Variants in HSPG2 observed in about 807,000 individuals in gnomAD.
The protein encoded by HSPG2 is basement membrane-specific heparan sulfate proteoglycan core protein.
In HSPG2, 278 loss-of-function variants were observed where a neutral mutation model predicts 526.6. That is an observed-to-expected ratio of 0.53 (90% CI 0.48 to 0.58). The LOEUF is 0.58. HSPG2 is among the 20% of genes least tolerant of loss of function. The pLI is 0.00. For missense variants in HSPG2, 5,354 were observed against 6,099.5 expected (o/e 0.88, Z 4.07); for synonymous variants, 2,465 against 2,555.4 (o/e 0.96, Z 1.07).
At chr1:21,937,108 CTAGCCCCTCCG>C in intron 1 of HSPG2, 36 bp downstream of exon 1, 1 of 216,260 alleles carries the variant, frequency 4.6e-6, no homozygotes, top group Non-Finnish European at 8.7e-6. Context: ...CGGGGCGCCC[CTAGCCCCTCCG>C]CCCCCGCCCC....
At chr1:21,854,374 G>A in intron 49 of HSPG2, 31 bp from the exon 50 acceptor site, 2 of 1,556,500 alleles carry the variant, frequency 1.3e-6, no homozygotes, top group Non-Finnish European at 1.7e-6. Context: ...GGTACGTGAG[G>A]ACAGGGACGG....
Position 21,822,259 on chromosome 1 carries a change from C to A in HSPG2, c.*1057G>T. 1 of 1,590,110 alleles carries A rather than the reference C, an allele frequency of 6.3e-7. No individual in the cohort carries two copies. Among genetic ancestry groups the A allele is most frequent in the South Asian group, 1.1e-5 (1 of 90,610 alleles). ...AGGAGGCCCCTGGCGGGGATAGCAC[C>A]GTTTATTAAGAAAAATCAAGACAAA... On this transcript the variant is annotated 3_prime_UTR_variant, in exon 97 of 97. Coordinates refer to ENST00000374695, the MANE Select transcript of HSPG2 (RefSeq NM_005529.7).
Position 21,835,567 on chromosome 1 carries a change from G to A in HSPG2, c.10426C>T (p.Gln3476Ter), listed in dbSNP as rs752288244. ...TGGATAACCAGCTGGGCACTGGCCTGGGCCTTCCCCCAAGGTCCATGGGCC... is the reference window on the plus strand; with the variant it reads ...TGGATAACCAGCTGGGCACTGGCCTAGGCCTTCCCCCAAGGTCCATGGGCC... The part of the protein sequence containing the change: ...CQAHGPWGKA[Q>*]ASAQLVIQAL... The change falls in exon 76 of 97, where the codon CAG (glutamine) becomes TAG (stop). Residue 3476 changes from glutamine (Q) to a stop codon, truncating the protein, a stop_gained. Transcript: ENST00000374695. LOFTEE classifies it high-confidence loss of function. 6.2e-7 allele frequency: 1 copy of A among 1,613,798 alleles called. No individual in the cohort carries two copies. Among genetic ancestry groups the A allele is most frequent in the Admixed American group, 1.7e-5 (1 of 60,004 alleles).
chr1:21,887,068 C>A lies in HSPG2; in HGVS notation c.1078+147G>T. Reference sequence around the variant, plus strand: ...GTCTCCAGGGCCTTCCGCACTCAGCCAGGGAGAGCAAACAAACAGGCTTGG... The same window carrying A: ...GTCTCCAGGGCCTTCCGCACTCAGCAAGGGAGAGCAAACAAACAGGCTTGG... On this transcript the variant is annotated intron_variant, in intron 9 of 96. Coordinates refer to ENST00000374695, the MANE Select transcript of HSPG2 (RefSeq NM_005529.7). This position sits in a 1 kb window ranked among gnomAD's most constrained non-coding sequence, Gnocchi z 5.0. The A allele has an allele frequency of 2.2e-6, 2 of 892,016 alleles. No individual in the cohort carries two copies. Among genetic ancestry groups the A allele is most frequent in the South Asian group, 1.5e-5 (1 of 64,814 alleles). 55.3% of individuals were successfully genotyped at this position (892,016 alleles called of 1,614,324 possible).
chr1:21,858,670 T>C lies in HSPG2; in HGVS notation c.5293+896A>G, dbSNP rs531620925. On this transcript the variant is annotated intron_variant, in intron 42 of 96. Transcript: ENST00000374695. The surrounding 1 kb of genome is among the most constrained non-coding windows in gnomAD (Gnocchi z 4.2). ...GTGCTGCTGGTGGCCTAGCCACGCT[T>C]CCCACCCCCCGTGCCCACCTGCCTG... Among the ~76,000 whole-genome samples, 2 of 152,344 alleles carry C rather than the reference T, an allele frequency of 1.3e-5. No individual in the cohort carries two copies. The highest frequency in any genetic ancestry group is 4.8e-5 in the African/African-American group (2 of 41,582).
chr1:21,896,425 T>A, intron 1 of HSPG2, 115 bp from the exon 2 acceptor site: 2 of 1,289,654 alleles, frequency 1.6e-6, no homozygotes, highest in South Asian at 1.2e-5. Context: ...CCTTAGTGGT[T>A]AAATTTGACT....
intron 81 of HSPG2, 36 bp from the exon 82 acceptor site, chr1:21,831,832 G>A: frequency 6.4e-7 from 1 of 1,562,904 alleles, no homozygotes; most frequent in Non-Finnish European, 8.7e-7. Context: ...GGAGAGAGTG[G>A]ATAGGGGGTT....
Position 21,852,609 on chromosome 1 carries a change from T to C in HSPG2, c.6724+91A>G. On this transcript the variant is annotated intron_variant, in intron 52 of 96. Transcript: ENST00000374695. ...GCAGCCAGCTCCGGTGTGGGCCTTC[T>C]GCCCTGTCAGCAAGAGGGGTCCCTT... is the stretch of plus-strand genomic sequence containing the variant. 6 of 1,568,896 alleles carry C rather than the reference T, an allele frequency of 3.8e-6. No homozygotes were observed. In the South Asian group the frequency reaches 5.5e-5, roughly 15 times the overall value.
chr1:21,912,347 C>T (rs1643723899), intron 1 of HSPG2, among the ~76,000 whole-genome samples: 1 of 152,164 alleles, frequency 6.6e-6, no homozygotes, highest in African/African-American at 2.4e-5. Flanking sequence ...ACCACTTCTT[C>T]CTTCTCTCCC....
At chr1:21,909,064 C>A (rs186461753) in intron 1 of HSPG2, among the ~76,000 whole-genome samples, 1 of 152,100 alleles carries the variant, frequency 6.6e-6, no homozygotes, top group African/African-American at 2.4e-5. Context: ...GCCAAGATGG[C>A]GCCATTGCAC....
At chr1:21,829,753 G>A (rs534808442) in intron 86 of HSPG2, 149 bp from the exon 87 acceptor site, 4 of 743,492 alleles carry the variant, frequency 5.4e-6, no homozygotes, top group African/African-American at 3.5e-5. Context: ...AGTGGCACAG[G>A]AGCCCCCCTG....
At chr1:21,838,749 C>T (rs1177160007) in intron 74 of HSPG2, 76 bp downstream of exon 74, 11 of 1,507,262 alleles carry the variant, frequency 7.3e-6, no homozygotes, top group Non-Finnish European at 9.1e-6. Flanking sequence ...CCTTCCCACC[C>T]GAGTCTGCCT....
In HSPG2 at chr1:21,872,335, G is replaced by A. The variant is rs1438197902; in HGVS notation, c.4072C>T (p.Leu1358=). Reference sequence around the variant, plus strand: ...CGGCTGTTTCGCTGTGGGTTCACCAGGGCAAAGCCTTGGAAGTCCCCAGGG... The same window carrying A: ...CGGCTGTTTCGCTGTGGGTTCACCAAGGCAAAGCCTTGGAAGTCCCCAGGG... The part of the protein sequence containing the change: ...FAPGDFQGFA[L]VNPQRNSRLT... The change falls in exon 33 of 97, where the codon CTG becomes TTG. Residue 1358 remains leucine, a synonymous_variant. Transcript: ENST00000374695. The surrounding 1 kb of genome is among the most constrained non-coding windows in gnomAD (Gnocchi z 5.5). 3 of 1,582,336 alleles carry A rather than the reference G, an allele frequency of 1.9e-6. No individual in the cohort carries two copies. Among genetic ancestry groups the A allele is most frequent in the Non-Finnish European group, 2.6e-6 (3 of 1,163,816 alleles).
At chr1:21,868,166 G>A (rs542240271) in intron 33 of HSPG2, among the ~76,000 whole-genome samples, 44 of 151,306 alleles carry the variant, frequency 2.9e-4, no homozygotes, top group African/African-American at 1.1e-3. Flanking sequence ...AGTCTCCTAA[G>A]TAGCTGAGAT....
rs987797580 is a variant in HSPG2 at position 21,879,219 on chromosome 1, C to T, written c.2344-98G>A. The T allele has an allele frequency of 4.5e-5, 64 of 1,419,424 alleles. No homozygotes were observed. The South Asian group carries it at 4.9e-4, about 11-fold the overall frequency. 87.9% of individuals were successfully genotyped at this position (1,419,424 alleles called of 1,614,324 possible). ...GCTGTCTAGCTCAGCCTCCCCATCA[C>T]GCTGGAGGCACAGCTTTGCAGACAG... On this transcript the variant is annotated intron_variant, in intron 17 of 96. Coordinates refer to ENST00000374695, the MANE Select transcript of HSPG2 (RefSeq NM_005529.7).
chr1:21,851,591 C>T lies in HSPG2; in HGVS notation c.7113G>A (p.Gln2371=), dbSNP rs150934420. Residue 2371 remains glutamine, a synonymous_variant, in exon 55 of 97, where the codon CAG becomes CAA. Coordinates refer to ENST00000374695, the MANE Select transcript of HSPG2 (RefSeq NM_005529.7). ...NCVVPGQSHA[Q]VTWHKRGGSL... is the part of the protein sequence containing the mutation. ...TGCCCCCACGCTTGTGCCACGTGAC[C>T]TGGGCATGGGACTGCCCGGGCACCA... 1.7e-5 allele frequency: 27 copies of T among 1,613,904 alleles called. No homozygotes were observed. The highest frequency in any genetic ancestry group is 1.6e-4 in the Middle Eastern group (1 of 6,084).
intron 1 of HSPG2, among the ~76,000 whole-genome samples, chr1:21,902,096 C>G (rs966049989): frequency 7.9e-5 from 12 of 152,352 alleles, no homozygotes; most frequent in Admixed American, 1.3e-4. Context: ...AGGCGACAGA[C>G]AGCACACAGG....
Position 21,847,569 on chromosome 1 carries a change from GCT to G in HSPG2, c.8026-79_8026-78del. 6.2e-7 allele frequency: 1 copy of G among 1,604,458 alleles called. No homozygotes were observed. Among genetic ancestry groups the G allele is most frequent in the Non-Finnish European group, 8.5e-7 (1 of 1,172,606 alleles). On this transcript the variant is annotated intron_variant, in intron 61 of 96. Transcript: ENST00000374695. This position sits in a 1 kb window ranked among gnomAD's most constrained non-coding sequence, Gnocchi z 4.1. Reference sequence around the variant, plus strand: ...GTCACCAGCTGGCTCAGGCCTTCCTGCTCAGCCTGTTGAGGCTGCTATCGGTC... The same window carrying G: ...GTCACCAGCTGGCTCAGGCCTTCCTGCAGCCTGTTGAGGCTGCTATCGGTC...
chr1:21,876,448 G>A (rs1179709950), intron 22 of HSPG2, 43 bp from the exon 23 acceptor site: 1 of 1,612,044 alleles, frequency 6.2e-7, no homozygotes, highest in South Asian at 1.1e-5. Flanking sequence ...CGTGGCCTGG[G>A]ACTGGCGCTT....
Sources: allele counts gnomAD v4.1 joint callset (sites outside exome capture counted in the v4.1 genomes callset), GRCh38; gene constraint gnomAD v4.1.1; non-coding constraint Gnocchi (gnomAD v3.1); transcripts MANE v1.5; gene names NCBI Gene and HGNC (gene_info 2026-07-23, HGNC 2026-07-21).